The following NUMB variants were observed in gnomAD, a reference collection of about 807,000 sequenced individuals.
NUMB encodes protein numb homolog.
A neutral mutation model predicts 59.7 loss-of-function variants in NUMB; 29 were observed. The observed-to-expected ratio is 0.49, with a 90% CI of 0.36 to 0.66. The LOEUF is 0.66. Among genes scored for constraint, NUMB ranks in the 30% least tolerant of loss-of-function variants. The pLI, the probability that NUMB is intolerant of heterozygous loss-of-function variation, is 0.00. For synonymous variants in NUMB, 288 were observed against 288.2 expected, an observed-to-expected ratio of 1.00 and a Z score of 0.01; for missense variants, 723 against 822.0, an observed-to-expected ratio of 0.88 and a Z score of 1.47.
At chr14:73,346,206 G>T (rs1892909676) in intron 4 of NUMB, among the ~76,000 whole-genome samples, 1 of 152,048 alleles carries the variant, frequency 6.6e-6, no homozygotes, top group Non-Finnish European at 1.5e-5. Context: ...TAGGCTGGGT[G>T]CGGTGGCTCA....
intron 4 of NUMB, among the ~76,000 whole-genome samples, chr14:73,327,608 T>C (rs937622994): frequency 3.9e-5 from 6 of 152,136 alleles, no homozygotes; most frequent in African/African-American, 1.2e-4. Flanking sequence ...TTTTGGAATA[T>C]GGTGCTGTAA....
intron 1 of NUMB, among the ~76,000 whole-genome samples, chr14:73,411,822 T>C (rs954691283): frequency 2.6e-5 from 4 of 152,168 alleles, no homozygotes; most frequent in East Asian, 1.9e-4. Context: ...ATCTGTCATA[T>C]TGCTATCTGA....
rs1892059786 is a variant in NUMB at position 73,332,760 on chromosome 14, C to G, written c.127-9556G>C. ...ATAAAACAACATTAAGCAGTTGTCT[C>G]CACTGCCCCTCCCCACAGCCCCCGG... On this transcript the variant is annotated intron_variant, in intron 4 of 12. Coordinates refer to ENST00000555238, the MANE Select transcript of NUMB (RefSeq NM_001005743.2). Among the ~76,000 whole-genome samples, 2 of 32,236 alleles carry G rather than the reference C, an allele frequency of 6.2e-5. 1 individual carries two copies. The highest frequency in any genetic ancestry group is 1.7e-3 in the South Asian group (2 of 1,196). The allele number at this position is 32,236 out of a possible 152,430, so 21.1% of individuals were successfully genotyped here.
intron 2 of NUMB, among the ~76,000 whole-genome samples, chr14:73,381,828 A>G (rs897628658): frequency 6.6e-6 from 1 of 152,086 alleles, no homozygotes; most frequent in South Asian, 2.1e-4. Flanking sequence ...ATAAATAATT[A>G]TAAGTAATTA....
intron 5 of NUMB, among the ~76,000 whole-genome samples, chr14:73,317,078 G>C (rs8023191): frequency 5.3e-5 from 8 of 152,070 alleles, no homozygotes; most frequent in Admixed American, 3.9e-4. Flanking sequence ...TATATGTACA[G>C]GTGTGCTGAT....
intron 8 of NUMB, 79 bp from the exon 9 acceptor site, chr14:73,287,393 G>T: frequency 2.4e-6 from 3 of 1,275,030 alleles, no homozygotes; most frequent in Admixed American, 2.3e-5. Context: ...GTTTTGTTTT[G>T]TTTTTGAGAC....
chr14:73,431,533 G>A (rs1169569431), intron 1 of NUMB, among the ~76,000 whole-genome samples: 1 of 151,732 alleles, frequency 6.6e-6, no homozygotes, highest in Admixed American at 6.6e-5. Context: ...GATCACTTGA[G>A]GTCAGGAGTT....
At chr14:73,285,047 ATT>A (rs1888891751) in intron 9 of NUMB, 1 of 152,032 alleles carries the variant, frequency 6.6e-6, no homozygotes, top group South Asian at 2.1e-4. Context: ...AGGTTTTACC[ATT>A]GTTGGCCAGG....
At chr14:73,394,796 CTTTTT>C (rs200420198) in intron 2 of NUMB, among the ~76,000 whole-genome samples, 1 of 151,138 alleles carries the variant, frequency 6.6e-6, no homozygotes, top group African/African-American at 2.4e-5. Flanking sequence ...TCTGTCTTTT[CTTTTT>C]TTTTGCTTAT....
chr14:73,426,886 T>C (rs931127987), intron 1 of NUMB, among the ~76,000 whole-genome samples: 1 of 151,606 alleles, frequency 6.6e-6, no homozygotes, highest in Non-Finnish European at 1.5e-5. Flanking sequence ...TGGTGGCACA[T>C]GCCTATAAGT....
At chr14:73,326,671 G>A (rs932524076) in intron 4 of NUMB, among the ~76,000 whole-genome samples, 2 of 151,822 alleles carry the variant, frequency 1.3e-5, no homozygotes, top group African/African-American at 4.8e-5. Flanking sequence ...AACTGATATT[G>A]GAACCACATC....
chr14:73,352,792 C>T (rs568463984), intron 4 of NUMB, among the ~76,000 whole-genome samples: 52 of 149,354 alleles, frequency 3.5e-4, no homozygotes, highest in African/African-American at 1.2e-3. Flanking sequence ...TCTGCCCGCC[C>T]TGGCCTCCCA....
chr14:73,363,459 T>C (rs1017864129), intron 3 of NUMB, among the ~76,000 whole-genome samples: 3 of 152,106 alleles, frequency 2.0e-5, no homozygotes, highest in Non-Finnish European at 4.4e-5. Context: ...AAAAATACCA[T>C]GCCCAGACAG....
chr14:73,352,473 CACACATAT>C (rs1893393781), intron 4 of NUMB, among the ~76,000 whole-genome samples: 22 of 20,452 alleles, frequency 1.1e-3, no homozygotes, highest in African/African-American at 3.5e-3. Flanking sequence ...CACACACACA[CACACATAT>C]ATATATATAT....
intron 6 of NUMB, among the ~76,000 whole-genome samples, chr14:73,300,659 T>C (rs888076223): frequency 6.6e-6 from 1 of 152,208 alleles, no homozygotes; most frequent in East Asian, 1.9e-4. Context: ...ATAGGGTTAC[T>C]GTGAAGATTA....
rs1894402025 is a variant in NUMB, at chr14:73,367,330, C to CATATACAT, written c.-100-350_-100-349insATGTATAT. ...ACACACACACACACACACATATATACATATATATATATATATATAGAGAGA... is the reference window on the plus strand; with the variant it reads ...ACACACACACACACACACATATATACATATACATATATATATATATATATATAGAGAGA... On this transcript the variant is annotated intron_variant, in intron 2 of 12. Transcript: ENST00000555238. 1.9e-4 allele frequency among the ~76,000 whole-genome samples: 22 copies of CATATACAT among 116,098 alleles called. No individual in the cohort carries two copies. The South Asian group carries it at 5.8e-3, about 30-fold the overall frequency. The allele number at this position is 116,098 out of a possible 152,430, so 76.2% of individuals were successfully genotyped here.
rs1162125844 is a variant in NUMB, at chr14:73,386,864, CTTA to C, written c.-100-19886_-100-19884del. ...TAATACAAGACAATCTATCAGGTGT[CTTA>C]TTTTTTTTTTTTTTTTTTTTTTTTT... On this transcript the variant is annotated intron_variant, in intron 2 of 12. Transcript: ENST00000555238. Among the ~76,000 whole-genome samples the C allele has an allele frequency of 8.8e-3, 647 of 73,774 alleles. 64 individuals are homozygous for C. The highest frequency in any genetic ancestry group is 0.033 in the African/African-American group (605 of 18,152). 48.4% of individuals were successfully genotyped at this position (73,774 alleles called of 152,430 possible).
At chr14:73,320,384 C>T (rs1252263457) in intron 5 of NUMB, among the ~76,000 whole-genome samples, 1 of 152,144 alleles carries the variant, frequency 6.6e-6, no homozygotes, top group East Asian at 1.9e-4. Context: ...ACCAACATAT[C>T]TAAAACTTTC....
chr14:73,348,462 A>G (rs1346010695), intron 4 of NUMB, among the ~76,000 whole-genome samples: 1 of 152,268 alleles, frequency 6.6e-6, no homozygotes, highest in Non-Finnish European at 1.5e-5. Flanking sequence ...AATGGGCCAC[A>G]CAGCAGGAGG....
Sources: gnomAD v4.1 joint callset for allele counts (sites outside exome capture counted in the v4.1 genomes callset) on GRCh38, gnomAD v4.1.1 for gene constraint, MANE v1.5 for transcripts, NCBI Gene and HGNC (gene_info 2026-07-23, HGNC 2026-07-21) for gene names.